SPOCK1: variants seen among roughly 807,000 people sequenced by gnomAD.
SPOCK1 encodes SPARC (osteonectin), cwcv and kazal like domains proteoglycan 1.
SPOCK1 carries 23 observed loss-of-function variants against 55.3 expected under a neutral mutation model. The ratio of observed to expected loss-of-function variants is 0.42; its 90% CI spans 0.30 to 0.59. SPOCK1 has a LOEUF of 0.59. Among genes scored for constraint, SPOCK1 ranks in the 20% least tolerant of loss-of-function variants. The probability of loss-of-function intolerance (pLI) is 0.22; values close to 1 mark genes in which losing one functional copy is unlikely to be tolerated. For missense variants in SPOCK1, 499 were observed against 552.5 expected, an observed-to-expected ratio of 0.90 and a Z score of 0.97; for synonymous variants, 226 against 221.0, an observed-to-expected ratio of 1.02 and a Z score of -0.20.
chr5:137,390,211 C>G (rs1237994620), intron 2 of SPOCK1, among the ~76,000 whole-genome samples: 1 of 152,026 alleles, frequency 6.6e-6, no homozygotes, highest in African/African-American at 2.4e-5. Context: ...GTCAAAAATC[C>G]CCTATGGTCT....
At chr5:137,449,886 C>CAAAAAAAAA (rs562723108) in intron 2 of SPOCK1, among the ~76,000 whole-genome samples, 12 of 52,902 alleles carry the variant, frequency 2.3e-4, no homozygotes, top group Admixed American at 5.7e-4. Context: ...GATGCTGTCT[C>CAAAAAAAAA]AAAAAAAAAA....
intron 6 of SPOCK1, among the ~76,000 whole-genome samples, chr5:137,064,195 C>T (rs901383751): frequency 2.6e-5 from 4 of 152,142 alleles, no homozygotes; most frequent in African/African-American, 9.7e-5. Context: ...CAGGAAAAGC[C>T]TCCCACCAAT....
At chr5:137,132,637 T>A (rs1435481236) in intron 4 of SPOCK1, among the ~76,000 whole-genome samples, 1 of 152,154 alleles carries the variant, frequency 6.6e-6, no homozygotes, top group Non-Finnish European at 1.5e-5. Flanking sequence ...GACGCTTGAC[T>A]TATTAGCATC....
chr5:137,497,158 T>G (rs899017092), intron 2 of SPOCK1, among the ~76,000 whole-genome samples: 4 of 152,176 alleles, frequency 2.6e-5, no homozygotes, highest in African/African-American at 4.8e-5. Context: ...GAGCAGAGCT[T>G]AGAGGAGTCC....
At chr5:137,083,094 GC>G (rs889908119) in intron 5 of SPOCK1, among the ~76,000 whole-genome samples, 4 of 152,318 alleles carry the variant, frequency 2.6e-5, no homozygotes, top group African/African-American at 9.6e-5. Flanking sequence ...GTCTCATGGT[GC>G]CTGTTGCAAT....
chr5:137,233,322 G>A (rs537046466), intron 3 of SPOCK1, among the ~76,000 whole-genome samples: 13 of 152,310 alleles, frequency 8.5e-5, no homozygotes, highest in African/African-American at 2.4e-4. Flanking sequence ...GGGATGATGA[G>A]AGACAGTGAC....
At chr5:137,497,396 C>G (rs1397098501) in intron 2 of SPOCK1, among the ~76,000 whole-genome samples, 2 of 152,322 alleles carry the variant, frequency 1.3e-5, no homozygotes, top group Non-Finnish European at 2.9e-5. Flanking sequence ...GCCTTGGGCA[C>G]TTTTACAATA....
chr5:137,182,114 A>G (rs1375510507), intron 3 of SPOCK1, among the ~76,000 whole-genome samples: 1 of 152,186 alleles, frequency 6.6e-6, no homozygotes, highest in East Asian at 1.9e-4. Context: ...TGTAGGCTCA[A>G]TCGTGCCACT....
intron 2 of SPOCK1, among the ~76,000 whole-genome samples, chr5:137,468,158 C>A (rs1753660361): frequency 6.6e-6 from 1 of 152,210 alleles, no homozygotes; most frequent in Non-Finnish European, 1.5e-5. Flanking sequence ...AATGAAGACT[C>A]CTTCTCATTC....
intron 2 of SPOCK1, among the ~76,000 whole-genome samples, chr5:137,459,907 A>C (rs1226177452): frequency 6.6e-6 from 1 of 152,126 alleles, no homozygotes; most frequent in African/African-American, 2.4e-5. Flanking sequence ...CTGGAGTGCT[A>C]GGATAATGGA....
At chr5:137,161,017 T>TATATATTAC (rs900008465) in intron 3 of SPOCK1, among the ~76,000 whole-genome samples, 2 of 146,582 alleles carry the variant, frequency 1.4e-5, no homozygotes, top group African/African-American at 5.0e-5. Flanking sequence ...GATATATATA[T>TATATATTAC]ATATATATAT....
At chr5:137,294,116 C>T (rs62374169) in intron 2 of SPOCK1, among the ~76,000 whole-genome samples, 17,608 of 152,156 alleles carry the variant, frequency 0.12, 1,312 homozygotes, top group East Asian at 0.25. Flanking sequence ...AGGAATTGAG[C>T]ATTTAATCTT....
chr5:137,437,170 C>T (rs1323158757), intron 2 of SPOCK1, among the ~76,000 whole-genome samples: 2 of 152,136 alleles, frequency 1.3e-5, no homozygotes, highest in African/African-American at 4.8e-5. Flanking sequence ...TACACTTTCC[C>T]GCCACTCCTC....
At chr5:137,442,410 A>G (rs999441195) in intron 2 of SPOCK1, among the ~76,000 whole-genome samples, 1 of 152,224 alleles carries the variant, frequency 6.6e-6, no homozygotes, top group Non-Finnish European at 1.5e-5. Context: ...TTTATCAGCC[A>G]TGGGATCTTG....
At chr5:137,398,446 T>G (rs1434182048) in intron 2 of SPOCK1, among the ~76,000 whole-genome samples, 1 of 152,192 alleles carries the variant, frequency 6.6e-6, no homozygotes, top group Non-Finnish European at 1.5e-5. Context: ...TATCTGGCCT[T>G]GGATCATTAA....
In SPOCK1 at chr5:137,096,951, C is replaced by T. The variant is rs1753159835; in HGVS notation, c.474+15484G>A. Among the ~76,000 whole-genome samples the T allele has an allele frequency of 1.3e-5, 2 of 152,152 alleles. 1 individual carries two copies. Among genetic ancestry groups the T allele is most frequent in the Admixed American group, 1.3e-4 (2 of 15,284 alleles). ...CCTATGGGCCAAGGGAGCACAGGAGCATTAATAATAACTGAGTCTCCCTCT... is the reference window on the plus strand; with the variant it reads ...CCTATGGGCCAAGGGAGCACAGGAGTATTAATAATAACTGAGTCTCCCTCT... On this transcript the variant is annotated intron_variant, in intron 5 of 10. Transcript: ENST00000394945.
chr5:137,356,377 T>G (rs1463675020), intron 2 of SPOCK1, among the ~76,000 whole-genome samples: 1 of 152,138 alleles, frequency 6.6e-6, no homozygotes, highest in Non-Finnish European at 1.5e-5. Context: ...GGAAACTTAG[T>G]GGGAAATCTA....
intron 5 of SPOCK1, among the ~76,000 whole-genome samples, chr5:137,098,766 C>T (rs1023308090): frequency 6.6e-6 from 1 of 152,240 alleles, no homozygotes; most frequent in East Asian, 1.9e-4. Flanking sequence ...TACTTAGAGA[C>T]TTTGCATCGT....
chr5:137,400,320 C>T (rs1434782111), intron 2 of SPOCK1, among the ~76,000 whole-genome samples: 3 of 152,154 alleles, frequency 2.0e-5, no homozygotes, highest in Non-Finnish European at 4.4e-5. Context: ...CTCTGCAGCT[C>T]CCCAGGACAA....
Sources: allele counts gnomAD v4.1 joint callset (sites outside exome capture counted in the v4.1 genomes callset), GRCh38; gene constraint gnomAD v4.1.1; transcripts MANE v1.5; gene names NCBI Gene and HGNC (gene_info 2026-07-23, HGNC 2026-07-21).